The following SPIDR variants were observed in gnomAD, a reference collection of about 807,000 sequenced individuals.
SPIDR encodes the protein DNA repair-scaffolding protein.
In SPIDR, 93 loss-of-function variants were observed where a neutral mutation model predicts 104.6. The observed-to-expected ratio is 0.89, with a 90% confidence interval of 0.75 to 1.06. The LOEUF (loss-of-function observed/expected upper bound fraction) is 1.06, where lower values mean the gene tolerates loss of function less well. Ranked by LOEUF, SPIDR falls within the 50% of genes least tolerant of loss-of-function variation. The pLI, the probability that SPIDR is intolerant of heterozygous loss-of-function variation, is 0.00. For missense variants in SPIDR, 1,154 were observed against 1,111.2 expected, an observed-to-expected ratio of 1.04 and a Z score of -0.55; for synonymous variants, 431 against 416.9, an observed-to-expected ratio of 1.03 and a Z score of -0.41.
At chr8:47,303,927 T>C (rs934613365) in intron 5 of SPIDR, among the ~76,000 whole-genome samples, 1 of 152,144 alleles carries the variant, frequency 6.6e-6, no homozygotes, top group Non-Finnish European at 1.5e-5. Flanking sequence ...TCCACCCACC[T>C]CGGCCTCCCA....
At chr8:47,515,924 C>T (rs1441039917) in intron 8 of SPIDR, among the ~76,000 whole-genome samples, 1 of 152,214 alleles carries the variant, frequency 6.6e-6, no homozygotes, top group African/African-American at 2.4e-5. Context: ...ATTCTCCTGC[C>T]TCAGCCTCCT....
intron 8 of SPIDR, among the ~76,000 whole-genome samples, chr8:47,499,788 C>A (rs1354068502): frequency 6.6e-6 from 1 of 152,090 alleles, no homozygotes; most frequent in African/African-American, 2.4e-5. Flanking sequence ...TCCCTCCACC[C>A]TGCCCCCACC....
Position 47,712,693 on chromosome 8 carries a change from A to G in SPIDR, c.2009A>G (p.Glu670Gly). The change falls in exon 15 of 20, where the codon GAG (glutamate) becomes GGG (glycine). Residue 670 changes from glutamate (E) to glycine (G), a missense_variant. Coordinates refer to ENST00000297423, the MANE Select transcript of SPIDR (RefSeq NM_001080394.4). The part of the protein sequence containing the change: ...LKSLLLLEQR[E>G]IWLLVTDVTL... ...AGTCTGCTGCTTCTGGAGCAAAGGG[A>G]GATCTGGCTGCTAGTGACCGATGTC... is the stretch of plus-strand genomic sequence containing the variant. 6.2e-7 allele frequency: 1 copy of G among 1,614,092 alleles called. No individual in the cohort carries two copies. Among genetic ancestry groups the G allele is most frequent in the Non-Finnish European group, 8.5e-7 (1 of 1,180,016 alleles).
Position 47,302,649 on chromosome 8 carries a change from G to C in SPIDR, c.525+8619G>C, listed in dbSNP as rs925040271. ...GTGTGCATGTCCTTTGTGTTTGTTAGTTTTCCTTCTAACAGTCAGGACCCT... is the reference window on the plus strand; with the variant it reads ...GTGTGCATGTCCTTTGTGTTTGTTACTTTTCCTTCTAACAGTCAGGACCCT... On this transcript the variant is annotated intron_variant, in intron 5 of 19. Coordinates refer to ENST00000297423, the MANE Select transcript of SPIDR (RefSeq NM_001080394.4). Among the ~76,000 whole-genome samples, 67 of 152,212 alleles carry C rather than the reference G, an allele frequency of 4.4e-4. 1 individual carries two copies. The highest frequency in any genetic ancestry group is 7.3e-5 in the Non-Finnish European group (5 of 68,032).
At chr8:47,554,155 G>T (rs1363803587) in intron 8 of SPIDR, among the ~76,000 whole-genome samples, 1 of 152,162 alleles carries the variant, frequency 6.6e-6, no homozygotes, top group African/African-American at 2.4e-5. Flanking sequence ...GTTTCAGTCT[G>T]CCCCTACTGG....
At chr8:47,478,237 G>C (rs1313268013) in intron 8 of SPIDR, among the ~76,000 whole-genome samples, 4 of 152,190 alleles carry the variant, frequency 2.6e-5, no homozygotes, top group African/African-American at 9.7e-5. Flanking sequence ...ACACACCTCT[G>C]AGGAAGCAAA....
intron 5 of SPIDR, among the ~76,000 whole-genome samples, chr8:47,393,341 A>G (rs1219126604): frequency 1.3e-5 from 2 of 152,078 alleles, no homozygotes; most frequent in East Asian, 1.9e-4. Flanking sequence ...TGTCTTGCTT[A>G]GACTATGGAA....
At chr8:47,541,426 T>C (rs1587446154) in intron 8 of SPIDR, among the ~76,000 whole-genome samples, 2 of 152,204 alleles carry the variant, frequency 1.3e-5, no homozygotes, top group East Asian at 3.9e-4. Context: ...TTTGAAACAG[T>C]TTAAAATATA....
At chr8:47,566,092 C>T (rs1431534687) in intron 8 of SPIDR, among the ~76,000 whole-genome samples, 2 of 141,308 alleles carry the variant, frequency 1.4e-5, no homozygotes, top group African/African-American at 2.6e-5. Context: ...CCACAACCTC[C>T]GTCTCCCAGG....
chr8:47,479,016 A>G (rs540236278), intron 8 of SPIDR, among the ~76,000 whole-genome samples: 2 of 152,218 alleles, frequency 1.3e-5, no homozygotes, highest in African/African-American at 4.8e-5. Flanking sequence ...TTAGGAAGGT[A>G]TTCATCTCAT....
chr8:47,419,410 G>T (rs565415152), intron 7 of SPIDR: 1 of 152,202 alleles, frequency 6.6e-6, no homozygotes, highest in Non-Finnish European at 1.5e-5. Context: ...TTGCGTAGAG[G>T]TGTCTATATT....
At chr8:47,621,429 C>T (rs968020496) in intron 10 of SPIDR, among the ~76,000 whole-genome samples, 2 of 152,190 alleles carry the variant, frequency 1.3e-5, no homozygotes, top group Admixed American at 6.5e-5. Context: ...TTGGCTGCCT[C>T]GTCTGTAGAT....
intron 8 of SPIDR, among the ~76,000 whole-genome samples, chr8:47,516,401 G>A (rs879398893): frequency 7.2e-5 from 11 of 152,094 alleles, no homozygotes; most frequent in South Asian, 2.1e-4. Flanking sequence ...CATCATCCCC[G>A]GCATGAACTC....
chr8:47,401,238 C>T (rs970382839), intron 6 of SPIDR, among the ~76,000 whole-genome samples: 10 of 152,142 alleles, frequency 6.6e-5, no homozygotes, highest in South Asian at 2.1e-4. Context: ...AGCCAAACTA[C>T]GCTTCATAAG....
At chr8:47,273,297 A>G (rs1172800048) in intron 1 of SPIDR, among the ~76,000 whole-genome samples, 1 of 152,234 alleles carries the variant, frequency 6.6e-6, no homozygotes, top group East Asian at 1.9e-4. Context: ...TGGCTCACAT[A>G]AGTAAGGGAA....
chr8:47,732,986 AAG>A (rs1214729304), intron 19 of SPIDR, among the ~76,000 whole-genome samples: 1 of 152,206 alleles, frequency 6.6e-6, no homozygotes, highest in Admixed American at 6.5e-5. Flanking sequence ...GATTTTTTAA[AAG>A]AGAGCACATT....
At chr8:47,544,442 G>A (rs752161457) in intron 8 of SPIDR, among the ~76,000 whole-genome samples, 24 of 152,132 alleles carry the variant, frequency 1.6e-4, no homozygotes, top group Middle Eastern at 3.4e-3. Flanking sequence ...AACTCTTCAC[G>A]TAGCTGTAAA....
intron 8 of SPIDR, among the ~76,000 whole-genome samples, chr8:47,475,087 T>C (rs914582375): frequency 6.6e-6 from 1 of 152,238 alleles, no homozygotes; most frequent in African/African-American, 2.4e-5. Context: ...ACTACTAACA[T>C]GACAGTGGAC....
At chr8:47,515,659 CT>C (rs1234365396) in intron 8 of SPIDR, among the ~76,000 whole-genome samples, 2 of 152,176 alleles carry the variant, frequency 1.3e-5, no homozygotes, top group Non-Finnish European at 2.9e-5. Flanking sequence ...AATTCTAGGT[CT>C]AAATTGTCTG....
Sources: gnomAD v4.1 joint callset for allele counts (sites outside exome capture counted in the v4.1 genomes callset) on GRCh38, gnomAD v4.1.1 for gene constraint, MANE v1.5 for transcripts, NCBI Gene and HGNC (gene_info 2026-07-23, HGNC 2026-07-21) for gene names.